Variants in DPP10 observed in about 807,000 individuals in gnomAD.
DPP10 encodes dipeptidyl peptidase like 10.
A neutral mutation model predicts 120.9 loss-of-function variants in DPP10; 33 were observed. That is an observed-to-expected ratio of 0.27 (90% CI 0.21 to 0.37). The LOEUF is 0.37. Ranked by LOEUF, DPP10 falls within the 10% of genes least tolerant of loss-of-function variation. The probability of loss-of-function intolerance (pLI) is 1.00; values close to 1 mark genes in which losing one functional copy is unlikely to be tolerated. For missense variants in DPP10, 816 were observed against 942.8 expected (o/e 0.87, Z 1.76); for synonymous variants, 337 against 326.1 (o/e 1.03, Z -0.36).
intron 2 of DPP10, among the ~76,000 whole-genome samples, chr2:115,339,520 C>G (rs2063335069): frequency 6.6e-6 from 1 of 152,034 alleles, no homozygotes; most frequent in South Asian, 2.1e-4. Flanking sequence ...TTTATAGTAA[C>G]TTTATTTTTA....
At chr2:115,527,024 G>C (rs2078171615) in intron 5 of DPP10, among the ~76,000 whole-genome samples, 1 of 152,016 alleles carries the variant, frequency 6.6e-6, no homozygotes, top group Admixed American at 6.6e-5. Context: ...GACATTTATA[G>C]ACTAAAATAT....
At chr2:115,398,620 CAAT>C (rs1305390487) in intron 3 of DPP10, among the ~76,000 whole-genome samples, 1 of 151,872 alleles carries the variant, frequency 6.6e-6, no homozygotes, top group Non-Finnish European at 1.5e-5. Context: ...TAAAAGTTCT[CAAT>C]AGTCTATGGT....
At chr2:115,221,445 A>G (rs2057152939) in intron 1 of DPP10, among the ~76,000 whole-genome samples, 1 of 152,166 alleles carries the variant, frequency 6.6e-6, no homozygotes, top group Non-Finnish European at 1.5e-5. Context: ...TTTTGAATAT[A>G]AGTTAAGGAT....
intron 2 of DPP10, among the ~76,000 whole-genome samples, chr2:115,335,297 C>G (rs2063055459): frequency 6.6e-6 from 1 of 151,938 alleles, no homozygotes; most frequent in Non-Finnish European, 1.5e-5. Flanking sequence ...GGGACATAGC[C>G]AAACCATATT....
At chr2:115,695,194 T>C (rs957111189) in intron 7 of DPP10, among the ~76,000 whole-genome samples, 2 of 152,210 alleles carry the variant, frequency 1.3e-5, no homozygotes, top group Non-Finnish European at 2.9e-5. Flanking sequence ...CAGGGAAAGA[T>C]GCAGGCTTAC....
intron 5 of DPP10, among the ~76,000 whole-genome samples, chr2:115,605,928 T>C (rs1287478057): frequency 6.6e-6 from 1 of 152,122 alleles, no homozygotes; most frequent in Non-Finnish European, 1.5e-5. Context: ...AAACTCCAAG[T>C]TATCATGACT....
intron 19 of DPP10, 83 bp downstream of exon 19, chr2:115,791,439 A>G (rs1055426404): frequency 3.2e-6 from 4 of 1,253,820 alleles, no homozygotes; most frequent in Non-Finnish European, 3.3e-6. Flanking sequence ...TTGATTCAAT[A>G]AAGAAGAGAA....
At chr2:114,811,777 G>A (rs1239169503) in intron 1 of DPP10, among the ~76,000 whole-genome samples, 2 of 152,182 alleles carry the variant, frequency 1.3e-5, no homozygotes, top group South Asian at 2.1e-4. Flanking sequence ...TAACACTGGA[G>A]TTTAAACAAT....
chr2:114,722,592 C>T (rs150938615), intron 1 of DPP10, among the ~76,000 whole-genome samples: 4,993 of 151,624 alleles, frequency 0.033, 125 homozygotes, highest in Middle Eastern at 0.065. Context: ...CTGGCTAACA[C>T]GGCGAAACCC....
chr2:115,353,410 A>C (rs777565230), intron 3 of DPP10, among the ~76,000 whole-genome samples: 6 of 152,180 alleles, frequency 3.9e-5, no homozygotes, highest in Non-Finnish European at 7.4e-5. Context: ...GCATATGATT[A>C]GAATATGTAT....
intron 3 of DPP10, among the ~76,000 whole-genome samples, chr2:115,354,023 G>A (rs1334868644): frequency 6.6e-6 from 1 of 152,072 alleles, no homozygotes; most frequent in African/African-American, 2.4e-5. Context: ...TTATTGGAAT[G>A]TTTAGATATT....
chr2:115,172,308 CGAGAGGCG>C (rs2053409098), intron 1 of DPP10, among the ~76,000 whole-genome samples: 1 of 151,232 alleles, frequency 6.6e-6, no homozygotes, highest in African/African-American at 2.4e-5. Flanking sequence ...GGCTTGAACC[CGAGAGGCG>C]GAGCTTGCAG....
intron 7 of DPP10, among the ~76,000 whole-genome samples, chr2:115,701,632 A>G (rs896275239): frequency 6.6e-6 from 1 of 152,138 alleles, no homozygotes; most frequent in African/African-American, 2.4e-5. Context: ...ACTTTTGTGC[A>G]TCAAGAACAC....
chr2:115,175,726 A>G (rs1038784438), intron 1 of DPP10, among the ~76,000 whole-genome samples: 4 of 152,238 alleles, frequency 2.6e-5, no homozygotes, highest in Non-Finnish European at 4.4e-5. Flanking sequence ...CCAATATGAT[A>G]ACCACCAGCT....
intron 7 of DPP10, among the ~76,000 whole-genome samples, chr2:115,715,295 C>T (rs775411370): frequency 4.5e-5 from 6 of 133,382 alleles, no homozygotes; most frequent in East Asian, 2.4e-4. Context: ...GCCGAGATCG[C>T]GCCAATGCAC....
chr2:115,072,142 A>G (rs1003341648), intron 1 of DPP10, among the ~76,000 whole-genome samples: 1 of 152,140 alleles, frequency 6.6e-6, no homozygotes, highest in Non-Finnish European at 1.5e-5. Context: ...AATGGAATAA[A>G]TGCACATTGA....
chr2:115,491,529 G>A (rs2076121680), intron 3 of DPP10, among the ~76,000 whole-genome samples: 1 of 152,026 alleles, frequency 6.6e-6, no homozygotes, highest in African/African-American at 2.4e-5. Flanking sequence ...TTTATGGTGG[G>A]CTGGAATGTC....
intron 3 of DPP10, among the ~76,000 whole-genome samples, chr2:115,432,123 A>G (rs1018835686): frequency 7.9e-5 from 12 of 152,114 alleles, no homozygotes; most frequent in Non-Finnish European, 1.2e-4. Flanking sequence ...TATATAGTTA[A>G]CATTTGTTTT....
At chr2:114,976,704 TC>T (rs1332234565) in intron 1 of DPP10, among the ~76,000 whole-genome samples, 2 of 152,216 alleles carry the variant, frequency 1.3e-5, no homozygotes. Context: ...TCCTTGAAGT[TC>T]AATAAAAGAT....
Sources: gnomAD v4.1 joint callset for allele counts (sites outside exome capture counted in the v4.1 genomes callset) on GRCh38, gnomAD v4.1.1 for gene constraint, MANE v1.5 for transcripts, NCBI Gene and HGNC (gene_info 2026-07-23, HGNC 2026-07-21) for gene names.